Variants in RBFOX1 observed in about 807,000 individuals in gnomAD.
RBFOX1 encodes RNA binding fox-1 homolog 1, also known as RNA binding protein fox-1 homolog 1.
RBFOX1 carries 8 observed loss-of-function variants against 57.7 expected under a neutral mutation model. That is an observed-to-expected ratio of 0.14 (90% CI 0.08 to 0.25). The LOEUF (loss-of-function observed/expected upper bound fraction) is 0.25. Ranked by LOEUF, RBFOX1 falls within the 10% of genes least tolerant of loss-of-function variation. The probability of loss-of-function intolerance (pLI) is 1.00; values close to 1 mark genes in which losing one functional copy is unlikely to be tolerated. For synonymous variants in RBFOX1, 326 were observed against 222.4 expected (o/e 1.47, Z -4.15); for missense variants, 611 against 548.5 (o/e 1.11, Z -1.14).
chr16:7,419,018 C>G (rs1258854384), intron 4 of RBFOX1, among the ~76,000 whole-genome samples: 1 of 152,174 alleles, frequency 6.6e-6, no homozygotes, highest in Admixed American at 6.5e-5. Flanking sequence ...TTTCCTCACA[C>G]TTCAGCCCCT....
intron 3 of RBFOX1, among the ~76,000 whole-genome samples, chr16:6,886,098 T>C (rs575378775): frequency 2.2e-4 from 33 of 150,688 alleles, no homozygotes; most frequent in Middle Eastern, 3.5e-3. Flanking sequence ...AGTCTCGCTC[T>C]GTCACCAGGC....
At chr16:6,831,049 G>A (rs1002989117) in intron 3 of RBFOX1, among the ~76,000 whole-genome samples, 6 of 152,116 alleles carry the variant, frequency 3.9e-5, no homozygotes, top group African/African-American at 1.4e-4. Context: ...CACTCTTTTT[G>A]CTCTAATCAA....
intron 3 of RBFOX1, among the ~76,000 whole-genome samples, chr16:5,721,614 C>G (rs1164323008): frequency 6.6e-6 from 1 of 152,114 alleles, no homozygotes; most frequent in African/African-American, 2.4e-5. Flanking sequence ...TTCATAGATT[C>G]CCTTTATAAT....
intron 4 of RBFOX1, among the ~76,000 whole-genome samples, chr16:5,936,563 C>G (rs1469763409): frequency 1.3e-5 from 2 of 152,100 alleles, no homozygotes; most frequent in Non-Finnish European, 2.9e-5. Flanking sequence ...TTGCTCTAGA[C>G]CAGGGCAGAG....
chr16:6,941,308 T>TTCCCTCCC (rs1567990803), intron 3 of RBFOX1, among the ~76,000 whole-genome samples: 2 of 41,288 alleles, frequency 4.8e-5, no homozygotes, highest in Non-Finnish European at 1.1e-4. Context: ...CCCTCCTTCC[T>TTCCCTCCC]TCCTTCCTTC....
At chr16:5,880,772 A>T (rs2057742639) in intron 4 of RBFOX1, among the ~76,000 whole-genome samples, 1 of 152,210 alleles carries the variant, frequency 6.6e-6, no homozygotes. Flanking sequence ...TAAAGATTTC[A>T]AATACACAAT....
chr16:5,640,837 A>G (rs201109929), intron 3 of RBFOX1, among the ~76,000 whole-genome samples: 2 of 27,594 alleles, frequency 7.2e-5, no homozygotes, highest in African/African-American at 8.9e-5. Context: ...ATACATGCAC[A>G]CACACACACA....
chr16:6,233,018 A>G (rs915754658), intron 1 of RBFOX1, among the ~76,000 whole-genome samples: 2 of 152,148 alleles, frequency 1.3e-5, no homozygotes, highest in African/African-American at 4.8e-5. Flanking sequence ...ATTGAATTCT[A>G]CATCGTCTGC....
chr16:6,296,023 G>A (rs1599317652), intron 1 of RBFOX1, among the ~76,000 whole-genome samples: 1 of 152,156 alleles, frequency 6.6e-6, no homozygotes, highest in Non-Finnish European at 1.5e-5. Flanking sequence ...ATCAAACAAC[G>A]TCTCCCTCTT....
At chr16:5,485,530 C>G (rs2069703301) in intron 2 of RBFOX1, among the ~76,000 whole-genome samples, 1 of 152,060 alleles carries the variant, frequency 6.6e-6, no homozygotes, top group South Asian at 2.1e-4. Context: ...GAAGCCCATA[C>G]TAAATGCCAA....
At chr16:7,032,866 C>T (rs2043169592) in intron 3 of RBFOX1, among the ~76,000 whole-genome samples, 1 of 152,170 alleles carries the variant, frequency 6.6e-6, no homozygotes, top group South Asian at 2.1e-4. Flanking sequence ...TGTCTAACTT[C>T]CAGATTCTCA....
At chr16:5,650,998 C>G (rs139191039) in intron 3 of RBFOX1, among the ~76,000 whole-genome samples, 1 of 148,972 alleles carries the variant, frequency 6.7e-6, no homozygotes, top group Non-Finnish European at 1.5e-5. Flanking sequence ...CCTTCTCCCT[C>G]TCCCTTTCTC....
intron 3 of RBFOX1, among the ~76,000 whole-genome samples, chr16:6,834,030 A>G (rs1201346863): frequency 6.6e-6 from 1 of 151,576 alleles, no homozygotes; most frequent in Non-Finnish European, 1.5e-5. Flanking sequence ...AGGAATTTAA[A>G]GGTTGGGGGT....
At position 6,804,251 on chromosome 16, in the gene RBFOX1, G is replaced by A. The variant is rs537232639; in HGVS notation, c.-16+149601G>A. ...ACTCAAACTCCTGACCTCTTGATCC[G>A]CCCACCTCAGCCTCCCAAAGTCCTG... On this transcript the variant is annotated intron_variant, in intron 3 of 15. Transcript: ENST00000550418. Among the ~76,000 whole-genome samples the A allele has an allele frequency of 7.9e-5, 12 of 151,728 alleles. No individual in the cohort carries two copies. The East Asian group carries it at 1.2e-3, about 15-fold the overall frequency.
At chr16:5,606,948 T>C (rs2047603994) in intron 3 of RBFOX1, among the ~76,000 whole-genome samples, 2 of 151,874 alleles carry the variant, frequency 1.3e-5, no homozygotes, top group Non-Finnish European at 2.9e-5. Flanking sequence ...AGAAATTGAG[T>C]TTTTGCTGTG....
intron 3 of RBFOX1, among the ~76,000 whole-genome samples, chr16:6,908,781 T>A (rs1279812040): frequency 6.6e-6 from 1 of 152,186 alleles, no homozygotes; most frequent in Admixed American, 6.5e-5. Context: ...AAGTGCTTAC[T>A]GTCTCTCTGC....
chr16:7,344,365 A>G (rs567578485), intron 4 of RBFOX1, among the ~76,000 whole-genome samples: 8 of 149,972 alleles, frequency 5.3e-5, no homozygotes, highest in Admixed American at 4.0e-4. Context: ...ATTTTATATT[A>G]TTTGTATTAT....
At position 7,319,564 on chromosome 16, in the gene RBFOX1, A is replaced by T. The variant is rs530500864; in HGVS notation, c.28-198583A>T. ...GCAGCAGTGGGATTTCTCTGGAAGGATATTTTGGAATTCTTGTTCACCACC... is the reference window on the plus strand; with the variant it reads ...GCAGCAGTGGGATTTCTCTGGAAGGTTATTTTGGAATTCTTGTTCACCACC... On this transcript the variant is annotated intron_variant, in intron 4 of 15. Coordinates refer to ENST00000550418, the MANE Select transcript of RBFOX1 (RefSeq NM_018723.4). 2.1e-3 allele frequency among the ~76,000 whole-genome samples: 320 copies of T among 152,230 alleles called. 2 individuals are homozygous for T. Among genetic ancestry groups the T allele is most frequent in the African/African-American group, 7.4e-3 (308 of 41,532 alleles).
intron 1 of RBFOX1, among the ~76,000 whole-genome samples, chr16:5,261,914 C>CAGT (rs2062744429): frequency 6.6e-6 from 1 of 152,150 alleles, no homozygotes; most frequent in South Asian, 2.1e-4. Context: ...TCTTCTCTCC[C>CAGT]AGTAGTTTCT....
Sources: gnomAD v4.1 joint callset for allele counts (sites outside exome capture counted in the v4.1 genomes callset) on GRCh38, gnomAD v4.1.1 for gene constraint, MANE v1.5 for transcripts, NCBI Gene and HGNC (gene_info 2026-07-23, HGNC 2026-07-21) for gene names.